C10orf67: variants seen among roughly 807,000 people sequenced by gnomAD.
The protein encoded by C10orf67 is chromosome 10 open reading frame 67, also known as uncharacterized protein C10orf67, mitochondrial.
A neutral mutation model predicts 35.6 loss-of-function variants in C10orf67; 60 were observed. That is an observed-to-expected ratio of 1.68 (90% CI 1.37 to 2.09). The LOEUF is 2.09. Ranked by LOEUF, C10orf67 falls within the 30% of genes most tolerant of loss-of-function variation. C10orf67 has a pLI of 0.00. For missense variants in C10orf67, 474 were observed against 330.2 expected (o/e 1.44, Z -3.38); for synonymous variants, 167 against 115.8 (o/e 1.44, Z -2.84).
intron 10 of C10orf67, among the ~76,000 whole-genome samples, chr10:23,251,831 A>C (rs1297925792): frequency 1.3e-5 from 2 of 152,316 alleles, no homozygotes; most frequent in East Asian, 1.9e-4. Context: ...AGGTAAATAC[A>C]AATTTTCAAA....
At chr10:23,241,207 T>G (rs568347419) in intron 12 of C10orf67, among the ~76,000 whole-genome samples, 1 of 152,252 alleles carries the variant, frequency 6.6e-6, no homozygotes, top group Admixed American at 6.5e-5. Flanking sequence ...TAGCTATTAT[T>G]GACATTTATG....
At chr10:23,280,917 C>T (rs1279074212) in intron 8 of C10orf67, among the ~76,000 whole-genome samples, 2 of 151,848 alleles carry the variant, frequency 1.3e-5, no homozygotes, top group African/African-American at 4.8e-5. Flanking sequence ...ACAATGTGCA[C>T]ATATATTTAG....
In C10orf67 at chr10:23,314,483, AACACACACACACAC is replaced by A. The variant is rs56043614; in HGVS notation, c.546+6244_546+6257del. Among the ~76,000 whole-genome samples, 212 of 135,836 alleles carry A rather than the reference AACACACACACACAC, an allele frequency of 1.6e-3. 1 individual carries two copies. The highest frequency in any genetic ancestry group is 4.4e-3 in the African/African-American group (159 of 36,034). 89.1% of individuals were successfully genotyped at this position (135,836 alleles called of 152,430 possible). On this transcript the variant is annotated intron_variant, in intron 4 of 15. Coordinates refer to ENST00000636213, the MANE Select transcript of C10orf67 (RefSeq NM_001371909.1). Reference sequence around the variant, plus strand: ...TGAAAAAGAAAAAAAATTAAGTTAAAACACACACACACACACACACACACACACACACACACACA... The same window carrying A: ...TGAAAAAGAAAAAAAATTAAGTTAAAACACACACACACACACACACACACA...
At chr10:23,322,911 T>C (rs183501391) in intron 2 of C10orf67, among the ~76,000 whole-genome samples, 4 of 152,336 alleles carry the variant, frequency 2.6e-5, no homozygotes, top group Non-Finnish European at 5.9e-5. Flanking sequence ...AGGTCCTCTG[T>C]GTAAAAATTC....
chr10:23,330,018 G>C (rs969414137), intron 2 of C10orf67, among the ~76,000 whole-genome samples: 1 of 152,144 alleles, frequency 6.6e-6, no homozygotes, highest in Non-Finnish European at 1.5e-5. Context: ...AGCCATATGA[G>C]TGCATGATCA....
chr10:23,315,185 A>G (rs867649405), intron 4 of C10orf67, among the ~76,000 whole-genome samples: 1 of 152,198 alleles, frequency 6.6e-6, no homozygotes, highest in Non-Finnish European at 1.5e-5. Context: ...TAATATAAAC[A>G]ATTTTTTCTT....
At chr10:23,297,868 A>G (rs1222562182) in intron 5 of C10orf67, among the ~76,000 whole-genome samples, 1 of 152,204 alleles carries the variant, frequency 6.6e-6, no homozygotes, top group South Asian at 2.1e-4. Context: ...AGCCATTCAC[A>G]TCGTAAGATA....
At chr10:23,331,721 G>A (rs1208059008) in intron 2 of C10orf67, among the ~76,000 whole-genome samples, 2 of 151,230 alleles carry the variant, frequency 1.3e-5, no homozygotes, top group African/African-American at 4.9e-5. Flanking sequence ...AAGGGGAAGG[G>A]AAGGGGAATG....
chr10:23,313,560 G>T (rs1354465602), intron 4 of C10orf67, among the ~76,000 whole-genome samples: 1 of 152,206 alleles, frequency 6.6e-6, no homozygotes, highest in East Asian at 1.9e-4. Flanking sequence ...CTGCTCTGCA[G>T]GAAGAGTCTA....
chr10:23,278,089 C>A (rs1195388495), intron 8 of C10orf67, among the ~76,000 whole-genome samples: 1 of 152,234 alleles, frequency 6.6e-6, no homozygotes, highest in East Asian at 1.9e-4. Context: ...CATGAGAAAT[C>A]TGCCCGCATG....
At chr10:23,317,001 A>G (rs4326695) in intron 4 of C10orf67, 86,160 of 152,278 alleles carry the variant, frequency 0.57, 25,718 homozygotes, top group East Asian at 0.88. Context: ...TTGAAGGTGG[A>G]GCTTCACCAG....
intron 15 of C10orf67, among the ~76,000 whole-genome samples, chr10:23,216,550 T>A (rs1841436323): frequency 6.6e-6 from 1 of 152,164 alleles, no homozygotes; most frequent in African/African-American, 2.4e-5. Flanking sequence ...TTTATGAATC[T>A]AACAAATTGA....
chr10:23,296,020 C>T (rs760381692), intron 5 of C10orf67, among the ~76,000 whole-genome samples: 1 of 152,026 alleles, frequency 6.6e-6, no homozygotes, highest in Non-Finnish European at 1.5e-5. Context: ...TCTCTTATAA[C>T]GTTGAAGTTT....
intron 15 of C10orf67, among the ~76,000 whole-genome samples, chr10:23,219,139 T>A (rs560316347): frequency 3.3e-5 from 5 of 152,336 alleles, no homozygotes; most frequent in African/African-American, 1.2e-4. Context: ...ATCTAATATG[T>A]TACAATTGTT....
intron 1 of C10orf67, chr10:23,344,346 G>A (rs533891019): frequency 3.4e-6 from 2 of 586,104 alleles, no homozygotes; most frequent in South Asian, 2.0e-5. Context: ...GGGAGGAGGG[G>A]AGTGGAGAGG....
chr10:23,329,807 A>AAAAAAAG (rs1845367966), intron 2 of C10orf67, among the ~76,000 whole-genome samples: 3 of 149,980 alleles, frequency 2.0e-5, no homozygotes, highest in Admixed American at 1.3e-4. Context: ...CAAAAAAAAA[A>AAAAAAAG]AAAAAAAAAG....
intron 6 of C10orf67, 73 bp downstream of exon 6, chr10:23,291,059 G>C: frequency 1.6e-6 from 1 of 623,690 alleles, no homozygotes; most frequent in Admixed American, 3.0e-5. Context: ...GTTTGGAAAA[G>C]ACAAACATAG....
At chr10:23,335,145 A>G (rs980450623) in intron 1 of C10orf67, among the ~76,000 whole-genome samples, 34 of 150,934 alleles carry the variant, frequency 2.3e-4, no homozygotes, top group African/African-American at 7.6e-4. Context: ...CCGAGATCGC[A>G]CCACTGCACT....
In C10orf67 at chr10:23,223,620, T is replaced by A; in HGVS notation, c.1548A>T (p.Ala516=). The change falls in exon 15 of 16, where the codon GCA becomes GCT. Residue 516 remains alanine, a synonymous_variant. Coordinates refer to ENST00000636213, the MANE Select transcript of C10orf67 (RefSeq NM_001371909.1). ...GKHVDVVSDQ[A]ALQLSPKGKL... ...TACCTTTTGGTGAAAGTTGAAGGGC[T>A]GCCTGATCACTGACTACATCCACAT... 1 of 717,538 alleles carries A rather than the reference T, an allele frequency of 1.4e-6. No individual in the cohort carries two copies. Among genetic ancestry groups the A allele is most frequent in the Non-Finnish European group, 2.6e-6 (1 of 384,978 alleles). The allele number at this position is 717,538 out of a possible 1,614,324, so 44.4% of individuals were successfully genotyped here.
Sources: allele counts gnomAD v4.1 joint callset (sites outside exome capture counted in the v4.1 genomes callset), GRCh38; gene constraint gnomAD v4.1.1; transcripts MANE v1.5; gene names NCBI Gene and HGNC (gene_info 2026-07-23, HGNC 2026-07-21).